MID1: variants seen among roughly 807,000 people sequenced by gnomAD.
The protein encoded by MID1 is E3 ubiquitin-protein ligase Midline-1.
A neutral mutation model predicts 40.4 loss-of-function variants in MID1; 7 were observed. The observed-to-expected ratio is 0.17, with a 90% confidence interval of 0.10 to 0.33. The LOEUF (loss-of-function observed/expected upper bound fraction) is 0.33, where lower values mean the gene tolerates loss of function less well. Ranked by LOEUF, MID1 falls within the 10% of genes least tolerant of loss-of-function variation. MID1 has a pLI of 1.00. For missense variants in MID1, 367 were observed against 558.5 expected, an observed-to-expected ratio of 0.66 and a Z score of 3.46; for synonymous variants, 229 against 221.2, an observed-to-expected ratio of 1.04 and a Z score of -0.31.
intron 1 of MID1, among the ~76,000 whole-genome samples, chrX:10,569,209 G>C (rs182313849): frequency 6.7e-4 from 75 of 112,124 alleles, no homozygotes; most frequent in African/African-American, 2.3e-3. Flanking sequence ...AATGGTAACT[G>C]ATCATTAAAA....
chrX:10,606,575 A>T (rs1935629116), intron 1 of MID1, among the ~76,000 whole-genome samples: 1 of 111,823 alleles, frequency 8.9e-6, no homozygotes, highest in African/African-American at 3.2e-5. Flanking sequence ...ATGCATATGG[A>T]GATATACCCT....
At position 10,478,713 on chromosome X, in the gene MID1, T is replaced by C. The variant is rs151109532; in HGVS notation, c.1013+3767A>G. ...TTGAGGCTCTCTCCCCTTTTGGAGT[T>C]GTTTGATGTTTCTGAAATGAAAGAA... On this transcript the variant is annotated intron_variant, in intron 5 of 9. Transcript: ENST00000317552. Among the ~76,000 whole-genome samples the C allele has an allele frequency of 7.6e-3, 853 of 112,241 alleles. 10 individuals are homozygous for C. Among genetic ancestry groups the C allele is most frequent in the African/African-American group, 0.026 (795 of 30,936 alleles).
At chrX:10,753,755 G>A (rs1466245031) in intron 1 of MID1, among the ~76,000 whole-genome samples, 1 of 111,887 alleles carries the variant, frequency 8.9e-6, no homozygotes, top group African/African-American at 3.2e-5. Context: ...TTTTTATATC[G>A]TGTCCCCAAA....
chrX:10,540,666 A>G, intron 2 of MID1, among the ~76,000 whole-genome samples: 1 of 111,263 alleles, frequency 9.0e-6, no homozygotes, highest in Non-Finnish European at 1.9e-5. Flanking sequence ...TAAATCGACT[A>G]GTGCCAATGT....
chrX:10,603,241 T>C (rs751411617), intron 1 of MID1, among the ~76,000 whole-genome samples: 28 of 111,627 alleles, frequency 2.5e-4, no homozygotes, highest in East Asian at 5.6e-4. Context: ...ATATTGCAAA[T>C]AGCCATGGGG....
At chrX:10,797,443 A>G (rs2043974663) in intron 1 of MID1, among the ~76,000 whole-genome samples, 1 of 112,074 alleles carries the variant, frequency 8.9e-6, no homozygotes, top group African/African-American at 3.2e-5. Flanking sequence ...AAATTCTACA[A>G]TGAATGCCAG....
At chrX:10,651,595 T>C (rs780961493) in intron 1 of MID1, among the ~76,000 whole-genome samples, 56 of 112,399 alleles carry the variant, frequency 5.0e-4, no homozygotes, top group South Asian at 3.7e-3. Context: ...CAACTTGTTC[T>C]CATATCATCA....
At chrX:10,660,785 A>G (rs1161854619) in intron 1 of MID1, among the ~76,000 whole-genome samples, 1 of 111,902 alleles carries the variant, frequency 8.9e-6, no homozygotes, top group African/African-American at 3.3e-5. Flanking sequence ...CACAGCATCA[A>G]TTCACACTGA....
At position 10,449,187 on chromosome X, in the gene MID1, G is replaced by A. The variant is rs1345322322; in HGVS notation, c.*181C>T. 6.7e-5 allele frequency: 27 copies of A among 404,748 alleles called. No homozygotes were observed. Among genetic ancestry groups the A allele is most frequent in the East Asian group, 5.3e-4 (14 of 26,339 alleles). 33.4% of individuals were successfully genotyped at this position (404,748 alleles called of 1,213,427 possible). ...AAAATTAAAGAAATTATTAAAGCCC[G>A]TACTTAATACAAGACACAGTAAAAG... On this transcript the variant is annotated 3_prime_UTR_variant, in exon 10 of 10. Transcript: ENST00000317552.
intron 2 of MID1, among the ~76,000 whole-genome samples, chrX:10,553,309 C>T (rs1933997157): frequency 9.2e-6 from 1 of 108,352 alleles, no homozygotes; most frequent in African/African-American, 3.4e-5. Flanking sequence ...CATATATATA[C>T]GTATGAACCC....
At chrX:10,697,350 C>T (rs994649182) in intron 1 of MID1, among the ~76,000 whole-genome samples, 1 of 111,332 alleles carries the variant, frequency 9.0e-6, no homozygotes, top group Non-Finnish European at 1.9e-5. Context: ...GGATGTTCCC[C>T]AAATTCATAT....
intron 1 of MID1, among the ~76,000 whole-genome samples, chrX:10,779,159 T>C (rs2043827882): frequency 8.9e-6 from 1 of 112,101 alleles, no homozygotes; most frequent in Non-Finnish European, 1.9e-5. Flanking sequence ...GCAAAAGAAA[T>C]GAGAAAGAGC....
chrX:10,508,846 C>T (rs1464965819), intron 3 of MID1, among the ~76,000 whole-genome samples: 1 of 111,577 alleles, frequency 9.0e-6, no homozygotes, highest in Non-Finnish European at 1.9e-5. Context: ...CTTTTGGGGG[C>T]CATTTGCAGA....
chrX:10,513,391 T>C (rs1219035378), intron 3 of MID1, among the ~76,000 whole-genome samples: 1 of 112,700 alleles, frequency 8.9e-6, no homozygotes, highest in Non-Finnish European at 1.9e-5. Context: ...AAGCTTTTAC[T>C]TGAGAGTTAC....
chrX:10,627,520 G>A (rs973471516), intron 1 of MID1, among the ~76,000 whole-genome samples: 1 of 111,709 alleles, frequency 9.0e-6, no homozygotes, highest in African/African-American at 3.3e-5. Context: ...ACCACCTTTT[G>A]TTCTTATTCC....
At chrX:10,585,510 TAGA>T (rs1293413026) in intron 1 of MID1, among the ~76,000 whole-genome samples, 2 of 112,393 alleles carry the variant, frequency 1.8e-5, no homozygotes, top group African/African-American at 3.2e-5. Context: ...CAGTTCATCA[TAGA>T]AGGTTTGAAA....
intron 2 of MID1, among the ~76,000 whole-genome samples, chrX:10,551,541 T>A (rs1036640197): frequency 6.3e-5 from 7 of 111,872 alleles, no homozygotes; most frequent in East Asian, 2.8e-4. Flanking sequence ...CCTTTTTTTT[T>A]AATCTGATGG....
At chrX:10,518,172 A>G (rs1342606893) in intron 3 of MID1, among the ~76,000 whole-genome samples, 3 of 112,170 alleles carry the variant, frequency 2.7e-5, no homozygotes, top group Non-Finnish European at 5.6e-5. Context: ...GTTAAGCAAA[A>G]TTATCCAAAA....
intron 1 of MID1, among the ~76,000 whole-genome samples, chrX:10,637,367 T>C (rs1424047981): frequency 8.2e-5 from 9 of 109,824 alleles, no homozygotes; most frequent in African/African-American, 2.7e-4. Context: ...CCAGAGGTGA[T>C]GGAATTTTGT....
Sources: allele counts gnomAD v4.1 joint callset (sites outside exome capture counted in the v4.1 genomes callset), GRCh38; gene constraint gnomAD v4.1.1; transcripts MANE v1.5; gene names NCBI Gene and HGNC (gene_info 2026-07-23, HGNC 2026-07-21).